Variants in SCN11A observed in about 807,000 individuals in gnomAD.
SCN11A encodes the protein sodium channel protein type 11 subunit alpha.
A neutral mutation model predicts 162.2 loss-of-function variants in SCN11A; 122 were observed. That is an observed-to-expected ratio of 0.75 (90% confidence interval 0.65 to 0.87). The LOEUF is 0.87. SCN11A is among the 40% of genes least tolerant of loss of function. The pLI is 0.00. For missense variants in SCN11A, 2,015 were observed against 2,181.6 expected (o/e 0.92, Z 1.52); for synonymous variants, 758 against 751.5 (o/e 1.01, Z -0.14).
intron 1 of SCN11A, among the ~76,000 whole-genome samples, chr3:39,035,095 AT>A (rs1354749425): frequency 1.2e-4 from 18 of 152,150 alleles, no homozygotes; most frequent in Admixed American, 1.2e-3. Context: ...ATAAAAAAAA[AT>A]CCTAAAATTT....
chr3:38,977,048 C>T (rs1333459904), intron 2 of SCN11A, among the ~76,000 whole-genome samples: 1 of 152,232 alleles, frequency 6.6e-6, no homozygotes, highest in African/African-American at 2.4e-5. Context: ...CATCCAACTT[C>T]TCAAAAGCCT....
chr3:38,895,792 A>C (rs1559514726), intron 18 of SCN11A, among the ~76,000 whole-genome samples: 1 of 151,378 alleles, frequency 6.6e-6, no homozygotes, highest in Non-Finnish European at 1.5e-5. Flanking sequence ...CAAGTTCTGT[A>C]ATCTTCCACG....
At chr3:38,959,570 C>T (rs781325705) in intron 3 of SCN11A, among the ~76,000 whole-genome samples, 3 of 152,158 alleles carry the variant, frequency 2.0e-5, no homozygotes, top group Admixed American at 6.5e-5. Flanking sequence ...GTCAGTCCTA[C>T]GGGCATTCCA....
intron 2 of SCN11A, among the ~76,000 whole-genome samples, chr3:38,996,011 G>A (rs2030620558): frequency 6.6e-6 from 1 of 152,184 alleles, no homozygotes; most frequent in African/African-American, 2.4e-5. Context: ...ACCAGAGCAT[G>A]AGCGCGCGCT....
intron 11 of SCN11A, among the ~76,000 whole-genome samples, chr3:38,913,674 A>C (rs2065917204): frequency 6.6e-6 from 1 of 152,190 alleles, no homozygotes; most frequent in South Asian, 2.1e-4. Flanking sequence ...ATTTTTGTAT[A>C]TGGTGTAAGA....
intron 2 of SCN11A, among the ~76,000 whole-genome samples, chr3:38,987,940 T>A (rs1575348542): frequency 2.0e-5 from 3 of 152,160 alleles, no homozygotes; most frequent in Admixed American, 6.5e-5. Context: ...TGGGAAGGAT[T>A]TGAGCACAAA....
chr3:38,878,089 C>T (rs2065249558), intron 23 of SCN11A, among the ~76,000 whole-genome samples: 1 of 151,522 alleles, frequency 6.6e-6, no homozygotes, highest in Non-Finnish European at 1.5e-5. Flanking sequence ...CGATGGGGCA[C>T]CAAAATCTCA....
In SCN11A at chr3:38,920,016, AG is replaced by A. The variant is rs752844121; in HGVS notation, c.893-16del. On this transcript the variant is annotated splice_polypyrimidine_tract_variant and intron_variant, in intron 10 of 29. Coordinates refer to ENST00000302328, the MANE Select transcript of SCN11A (RefSeq NM_001349253.2). ...AAAGCAATGGTCTGAGAGAGGAAAA[AG>A]TCATAAATTCAGATTTTAAAAAAAA... The A allele has an allele frequency of 6.3e-7, 1 of 1,594,404 alleles. No individual in the cohort carries two copies. The highest frequency in any genetic ancestry group is 8.6e-7 in the Non-Finnish European group (1 of 1,165,278).
In SCN11A at chr3:38,853,957, C is replaced by G. The variant is rs1175241395; in HGVS notation, c.4057-3206G>C. Among the ~76,000 whole-genome samples, 4 of 152,104 alleles carry G rather than the reference C, an allele frequency of 2.6e-5. No homozygotes were observed. The South Asian group carries it at 8.3e-4, about 32-fold the overall frequency. ...CCCTGGATGCTACTTCTATCTTGCC[C>G]CATAGTACCTGATAAAGCAGGATTC... On this transcript the variant is annotated intron_variant, in intron 28 of 29. Coordinates refer to ENST00000302328, the MANE Select transcript of SCN11A (RefSeq NM_001349253.2).
chr3:38,884,868 C>A (rs569127920), intron 21 of SCN11A, among the ~76,000 whole-genome samples: 5 of 152,230 alleles, frequency 3.3e-5, no homozygotes, highest in Non-Finnish European at 7.3e-5. Context: ...TCACACAGCT[C>A]ATAAGTGGCA....
intron 7 of SCN11A, among the ~76,000 whole-genome samples, chr3:38,939,041 T>C (rs2066400149): frequency 6.6e-6 from 1 of 151,838 alleles, no homozygotes; most frequent in South Asian, 2.1e-4. Context: ...GGCGTGGTGG[T>C]GCATGTCTGT....
At chr3:38,882,452 T>C (rs1363021739) in intron 22 of SCN11A, among the ~76,000 whole-genome samples, 2 of 152,172 alleles carry the variant, frequency 1.3e-5, no homozygotes, top group East Asian at 3.9e-4. Context: ...TAAGAGAATT[T>C]GGTTCCCTAT....
chr3:38,872,329 ACT>A, intron 23 of SCN11A, 35 bp from the exon 24 acceptor site: 1 of 1,169,972 alleles, frequency 8.5e-7, no homozygotes, highest in Non-Finnish European at 1.3e-6. Flanking sequence ...AATGTACCTG[ACT>A]TGGTGTCCAG....
intron 2 of SCN11A, among the ~76,000 whole-genome samples, chr3:39,019,299 G>T (rs7637481): frequency 0.069 from 10,555 of 152,084 alleles, 1,171 homozygotes; most frequent in African/African-American, 0.23. Context: ...CCACCCAGAA[G>T]TGACTCAGTG....
rs1486146043 is a variant in SCN11A, at chr3:38,897,243, A to C, written c.2023-18T>G. 3.8e-6 allele frequency: 6 copies of C among 1,567,428 alleles called. No individual in the cohort carries two copies. The highest frequency in any genetic ancestry group is 5.2e-6 in the Non-Finnish European group (6 of 1,160,356). ...ACCCTGAGCTGTAGAAAAAGACAAC[A>C]AACAAAAATGGAAGAAAAGCCAGTT... On this transcript the variant is annotated intron_variant, in intron 17 of 29. Coordinates refer to ENST00000302328, the MANE Select transcript of SCN11A (RefSeq NM_001349253.2).
At chr3:39,033,165 AAG>A (rs113055240) in intron 1 of SCN11A, among the ~76,000 whole-genome samples, 1 of 151,200 alleles carries the variant, frequency 6.6e-6, no homozygotes, top group Non-Finnish European at 1.5e-5. Context: ...AAAAAAAAAA[AAG>A]AGAGAGAGAG....
Position 38,883,285 on chromosome 3 carries a change from C to A in SCN11A, c.3167G>T (p.Ser1056Ile). 1 of 1,614,016 alleles carries A rather than the reference C, an allele frequency of 6.2e-7. No homozygotes were observed. Among genetic ancestry groups the A allele is most frequent in the Non-Finnish European group, 8.5e-7 (1 of 1,179,930 alleles). The change falls in exon 22 of 30, where the codon AGC becomes ATC. Residue 1056 changes from serine (S) to isoleucine (I), a missense_variant. Coordinates refer to ENST00000302328, the MANE Select transcript of SCN11A (RefSeq NM_001349253.2). ...AAAGATAATAAAGCTCTCAAACCAGCTGTGTTTCACTATTTGGTAGCAGGT... is the reference window on the plus strand; with the variant it reads ...AAAGATAATAAAGCTCTCAAACCAGATGTGTTTCACTATTTGGTAGCAGGT... ...RKTCYQIVKH[S>I]WFESFIIFVI...
At chr3:38,906,479 C>A (rs555648890) in intron 14 of SCN11A, among the ~76,000 whole-genome samples, 9 of 152,222 alleles carry the variant, frequency 5.9e-5, no homozygotes, top group Non-Finnish European at 1.2e-4. Flanking sequence ...AAATGTGTAC[C>A]TTTCCTGTCT....
At chr3:38,920,986 T>C (rs2066040581) in intron 10 of SCN11A, 90 bp downstream of exon 10, 1 of 1,211,658 alleles carries the variant, frequency 8.3e-7, no homozygotes, top group Non-Finnish European at 1.2e-6. Flanking sequence ...TAAGAGACTC[T>C]GTAAGGGAAG....
Sources: gnomAD v4.1 joint callset for allele counts (sites outside exome capture counted in the v4.1 genomes callset) on GRCh38, gnomAD v4.1.1 for gene constraint, MANE v1.5 for transcripts, NCBI Gene and HGNC (gene_info 2026-07-23, HGNC 2026-07-21) for gene names.